Variants in SGPL1 observed in about 807,000 individuals in gnomAD.
The protein encoded by SGPL1 is sphingosine-1-phosphate lyase 1.
A neutral mutation model predicts 68.9 loss-of-function variants in SGPL1; 37 were observed. That is an observed-to-expected ratio of 0.54 (90% CI 0.41 to 0.71). SGPL1 has a LOEUF of 0.71. Among genes scored for constraint, SGPL1 ranks in the 30% least tolerant of loss-of-function variants. SGPL1 has a pLI of 0.00. For missense variants in SGPL1, 551 were observed against 704.6 expected (o/e 0.78, Z 2.47); for synonymous variants, 236 against 248.5 (o/e 0.95, Z 0.47).
chr10:70,867,462 CTA>C (rs1846213464), intron 7 of SGPL1, among the ~76,000 whole-genome samples: 1 of 151,832 alleles, frequency 6.6e-6, no homozygotes, highest in African/African-American at 2.4e-5. Flanking sequence ...ACTCGGGTAA[CTA>C]TGGCAGGAGA....
chr10:70,844,704 A>C, intron 3 of SGPL1, 66 bp downstream of exon 3: 1 of 1,415,446 alleles, frequency 7.1e-7, no homozygotes, highest in Non-Finnish European at 9.8e-7. Context: ...AATTGCTGAG[A>C]GATAGGACTA....
intron 2 of SGPL1, among the ~76,000 whole-genome samples, chr10:70,837,437 C>A (rs1364490001): frequency 6.6e-6 from 1 of 152,132 alleles, no homozygotes; most frequent in Non-Finnish European, 1.5e-5. Flanking sequence ...TTGTCTTGGC[C>A]TCTTTTTCTA....
chr10:70,862,464 A>T (rs1233109477), intron 7 of SGPL1, among the ~76,000 whole-genome samples: 1 of 152,144 alleles, frequency 6.6e-6, no homozygotes, highest in Admixed American at 6.5e-5. Context: ...AGATAAGAGA[A>T]TAAAAGCAGG....
In SGPL1 at chr10:70,825,555, A is replaced by G. The variant is rs116251253; in HGVS notation, c.27+8675A>G. Among the ~76,000 whole-genome samples the G allele has an allele frequency of 2.0e-3, 308 of 152,334 alleles. 1 individual carries two copies. The highest frequency in any genetic ancestry group is 7.2e-3 in the African/African-American group (299 of 41,580). On this transcript the variant is annotated intron_variant, in intron 2 of 14. Transcript: ENST00000373202. The stretch of plus-strand genomic sequence containing the variant: ...GAATGTTCCCACTGATTTTAACAGG[A>G]TAGATTCAGAGGCACACAGTTGCCA...
chr10:70,848,482 T>TTTTTTGTTGG (rs1845826213), intron 3 of SGPL1, among the ~76,000 whole-genome samples: 1 of 143,248 alleles, frequency 7.0e-6, no homozygotes, highest in Non-Finnish European at 1.5e-5. Context: ...TTTTTTTTTT[T>TTTTTTGTTGG]GAGATGGAGT....
intron 3 of SGPL1, among the ~76,000 whole-genome samples, chr10:70,850,924 TG>T (rs560324747): frequency 3.3e-4 from 50 of 152,202 alleles, no homozygotes; most frequent in Non-Finnish European, 6.8e-4. Context: ...ACTGCTTTAC[TG>T]TGTGTGTTAT....
intron 2 of SGPL1, among the ~76,000 whole-genome samples, chr10:70,821,126 G>A (rs868547664): frequency 1.3e-5 from 2 of 152,090 alleles, no homozygotes; most frequent in South Asian, 2.1e-4. Flanking sequence ...CCATTTGCTC[G>A]TATGTGATGT....
At chr10:70,829,071 C>T (rs1845488718) in intron 2 of SGPL1, among the ~76,000 whole-genome samples, 1 of 152,092 alleles carries the variant, frequency 6.6e-6, no homozygotes, top group Non-Finnish European at 1.5e-5. Context: ...ACTCTGTTAC[C>T]CAGCCCTTTC....
At position 70,877,451 on chromosome 10, in the gene SGPL1, T is replaced by C. The variant is rs1846414227; in HGVS notation, c.*116T>C. ...TTGCTCCATAGAGCACAACTCAAGATAGACCATGAGACAGCTTGAGCCTCA... is the reference window on the plus strand; with the variant it reads ...TTGCTCCATAGAGCACAACTCAAGACAGACCATGAGACAGCTTGAGCCTCA... On this transcript the variant is annotated 3_prime_UTR_variant, in exon 15 of 15. Transcript: ENST00000373202. 4.1e-6 allele frequency: 4 copies of C among 967,664 alleles called. No homozygotes were observed. Among genetic ancestry groups the C allele is most frequent in the Non-Finnish European group, 4.7e-6 (3 of 639,018 alleles). 59.9% of individuals were successfully genotyped at this position (967,664 alleles called of 1,614,324 possible). A position where few individuals can be genotyped will look rare whatever the true frequency, so the allele number is the denominator to read the frequency against.
Position 70,857,658 on chromosome 10 carries a change from G to C in SGPL1, c.454G>C (p.Gly152Arg). The C allele has an allele frequency of 6.2e-7, 1 of 1,612,888 alleles. No homozygotes were observed. Among genetic ancestry groups the C allele is most frequent in the Non-Finnish European group, 8.5e-7 (1 of 1,179,348 alleles). The change falls in exon 6 of 15, where the codon GGG (glycine) becomes CGG (arginine). Residue 152 changes from glycine (G) to arginine (R), a missense_variant. By Grantham distance (125) the Gly-to-Arg change is moderately radical (BLOSUM62 -2). Coordinates refer to ENST00000373202, the MANE Select transcript of SGPL1 (RefSeq NM_003901.4). ...GAGAGCCTCTGGAACAGTGTACAGT[G>C]GGGAGGAGAAGCTCACTGAGCTCCT... is the stretch of plus-strand genomic sequence containing the variant. ...EGRASGTVYS[G>R]EEKLTELLVK...
In SGPL1 at chr10:70,875,452, T is replaced by A; in HGVS notation, c.1349T>A (p.Val450Asp). Residue 450 changes from valine (V) to aspartate (D), a missense_variant, in exon 13 of 15, where the codon GTC becomes GAC. Transcript: ENST00000373202. Reference protein sequence around the residue: ...IFVFGNPQLSVIALGSRDFDI... With the variant: ...IFVFGNPQLSDIALGSRDFDI... ...GTTTTTGGGAATCCCCAATTGTCAG[T>A]CATTGCTCTGGGATCCCGTGATTTT... 1 of 1,612,468 alleles carries A rather than the reference T, an allele frequency of 6.2e-7. No individual in the cohort carries two copies. Among genetic ancestry groups the A allele is most frequent in the Non-Finnish European group, 8.5e-7 (1 of 1,178,520 alleles).
At chr10:70,872,906 A>G (rs1406598384) in intron 11 of SGPL1, among the ~76,000 whole-genome samples, 3 of 152,228 alleles carry the variant, frequency 2.0e-5, no homozygotes, top group Admixed American at 1.3e-4. Flanking sequence ...TTATGTTCTC[A>G]TAAGCATAAT....
chr10:70,863,698 C>G (rs1411246761), intron 7 of SGPL1, among the ~76,000 whole-genome samples: 1 of 152,170 alleles, frequency 6.6e-6, no homozygotes, highest in Non-Finnish European at 1.5e-5. Context: ...TGAATTCTGA[C>G]CACAAACTCA....
At chr10:70,838,764 A>T (rs1845669318) in intron 2 of SGPL1, among the ~76,000 whole-genome samples, 1 of 152,252 alleles carries the variant, frequency 6.6e-6, no homozygotes, top group Non-Finnish European at 1.5e-5. Context: ...GAAGAAATAG[A>T]AATGTGAGTA....
At chr10:70,827,497 A>G (rs906410770) in intron 2 of SGPL1, among the ~76,000 whole-genome samples, 1 of 152,236 alleles carries the variant, frequency 6.6e-6, no homozygotes, top group African/African-American at 2.4e-5. Flanking sequence ...ATATAGCTAC[A>G]TCAGCTTTTT....
At chr10:70,817,255 G>T (rs540596519) in intron 2 of SGPL1, among the ~76,000 whole-genome samples, 1 of 152,312 alleles carries the variant, frequency 6.6e-6, no homozygotes, top group African/African-American at 2.4e-5. Flanking sequence ...CTGACCTGTG[G>T]TGATCCACCC....
At chr10:70,823,817 A>G (rs1845384961) in intron 2 of SGPL1, among the ~76,000 whole-genome samples, 1 of 152,010 alleles carries the variant, frequency 6.6e-6, no homozygotes, top group Non-Finnish European at 1.5e-5. Context: ...TTAATAACCA[A>G]TTCCAGTAGC....
At chr10:70,840,264 C>T (rs930506675) in intron 2 of SGPL1, among the ~76,000 whole-genome samples, 4 of 152,028 alleles carry the variant, frequency 2.6e-5, no homozygotes, top group Non-Finnish European at 5.9e-5. Flanking sequence ...TCTGTATGAG[C>T]GTAGTCATGT....
At chr10:70,838,302 A>G (rs1236320891) in intron 2 of SGPL1, among the ~76,000 whole-genome samples, 3 of 152,180 alleles carry the variant, frequency 2.0e-5, no homozygotes, top group Non-Finnish European at 4.4e-5. Flanking sequence ...TCACTGCCTA[A>G]TTGGTATTTG....
Sources: gnomAD v4.1 joint callset for allele counts (sites outside exome capture counted in the v4.1 genomes callset) on GRCh38, gnomAD v4.1.1 for gene constraint, MANE v1.5 for transcripts, NCBI Gene and HGNC (gene_info 2026-07-23, HGNC 2026-07-21) for gene names.